The following TNRC6B variants were observed in gnomAD, a reference collection of about 807,000 sequenced individuals.
TNRC6B encodes the protein trinucleotide repeat containing adaptor 6B, also known as trinucleotide repeat-containing gene 6B protein.
A neutral mutation model predicts 203.6 loss-of-function variants in TNRC6B; 52 were observed. The ratio of observed to expected loss-of-function variants is 0.26; its 90% confidence interval spans 0.20 to 0.32. TNRC6B has a LOEUF of 0.32. TNRC6B is among the 10% of genes least tolerant of loss of function. The pLI is 1.00. For missense variants in TNRC6B, 1,923 were observed against 2,286.2 expected, an observed-to-expected ratio of 0.84 and a Z score of 3.24; for synonymous variants, 838 against 845.7, an observed-to-expected ratio of 0.99 and a Z score of 0.16.
At chr22:40,301,071 T>C (rs543596467) in intron 14 of TNRC6B, 66 bp downstream of exon 14, 1 of 1,572,084 alleles carries the variant, frequency 6.4e-7, no homozygotes, top group African/African-American at 1.4e-5. Context: ...TAGCCTCTGA[T>C]GGCAAAGAAC....
chr22:40,331,077 G>T lies in TNRC6B; in HGVS notation c.*7836G>T, dbSNP rs1469780677. On this transcript the variant is annotated 3_prime_UTR_variant, in exon 23 of 23. Coordinates refer to ENST00000454349, the MANE Select transcript of TNRC6B (RefSeq NM_001162501.2). ...GTAAGCACTGGAGAATTGGAATATG[G>T]TGATACTTGTGACACATTCATGCAT... 6.6e-6 allele frequency: 1 copy of T among 152,600 alleles called. No homozygotes were observed. Among genetic ancestry groups the T allele is most frequent in the African/African-American group, 2.4e-5 (1 of 41,430 alleles). The allele number at this position is 152,600 out of a possible 1,614,324, so 9.5% of individuals were successfully genotyped here. A position where few individuals can be genotyped will look rare whatever the true frequency, so the allele number is the denominator to read the frequency against.
At chr22:40,215,128 A>G (rs1414061436) in intron 1 of TNRC6B, among the ~76,000 whole-genome samples, 4 of 152,084 alleles carry the variant, frequency 2.6e-5, no homozygotes, top group Admixed American at 2.6e-4. Flanking sequence ...GAGACTTAGC[A>G]TTGAATCACT....
rs747744719 is a variant in TNRC6B, at chr22:40,329,456, A to G, written c.*6215A>G. On this transcript the variant is annotated 3_prime_UTR_variant, in exon 23 of 23. Transcript: ENST00000454349. ...TGTTTTTTTTTTCTTAAGTTTGACA[A>G]AGGGGGTGGTAATATCACATTCTTT... 7.2e-5 allele frequency: 11 copies of G among 152,068 alleles called. No homozygotes were observed. The highest frequency in any genetic ancestry group is 1.3e-4 in the Non-Finnish European group (9 of 68,002). The allele number at this position is 152,068 out of a possible 1,614,324, so 9.4% of individuals were successfully genotyped here.
chr22:40,264,103 G>A (rs1306745439), intron 4 of TNRC6B, among the ~76,000 whole-genome samples: 1 of 152,216 alleles, frequency 6.6e-6, no homozygotes, highest in East Asian at 1.9e-4. Context: ...AACACAGTAG[G>A]TGCCAACGTG....
chr22:40,087,272 G>T (rs1287744730), intron 1 of TNRC6B, among the ~76,000 whole-genome samples: 3 of 152,166 alleles, frequency 2.0e-5, no homozygotes, highest in African/African-American at 7.2e-5. Flanking sequence ...GAAGACTCTG[G>T]AATGTAGAAA....
chr22:40,307,984 C>T (rs2071113820), intron 15 of TNRC6B, among the ~76,000 whole-genome samples: 1 of 152,276 alleles, frequency 6.6e-6, no homozygotes, highest in South Asian at 2.1e-4. Context: ...AGTTAGCTAA[C>T]CATTGGAGTC....
intron 1 of TNRC6B, among the ~76,000 whole-genome samples, chr22:40,179,037 G>A (rs2069100938): frequency 1.3e-5 from 2 of 152,090 alleles, no homozygotes; most frequent in Admixed American, 6.5e-5. Flanking sequence ...TAAATTCATC[G>A]TGTGAGTGTG....
intron 1 of TNRC6B, among the ~76,000 whole-genome samples, chr22:40,218,860 C>T (rs1187929062): frequency 1.3e-5 from 2 of 152,144 alleles, no homozygotes; most frequent in African/African-American, 2.4e-5. Flanking sequence ...ACGTGAATGT[C>T]GAGCTTTTAA....
intron 4 of TNRC6B, among the ~76,000 whole-genome samples, chr22:40,159,458 T>A (rs953760435): frequency 1.4e-5 from 2 of 145,622 alleles, no homozygotes; most frequent in African/African-American, 5.1e-5. Flanking sequence ...GTTAACATGG[T>A]GAAACCCCGC....
chr22:40,139,344 T>C (rs2146336670), intron 3 of TNRC6B, among the ~76,000 whole-genome samples: 1 of 147,926 alleles, frequency 6.8e-6, no homozygotes. Context: ...TTTTTTTTTT[T>C]TGAGATGGAG....
chr22:40,108,413 C>T (rs1188176245), intron 1 of TNRC6B, among the ~76,000 whole-genome samples: 1 of 152,170 alleles, frequency 6.6e-6, no homozygotes, highest in Admixed American at 6.5e-5. Context: ...GAAGTTAGGG[C>T]TTAGGAGCCA....
chr22:40,098,202 A>G (rs1261504788), intron 1 of TNRC6B, among the ~76,000 whole-genome samples: 3 of 151,912 alleles, frequency 2.0e-5, no homozygotes, highest in Admixed American at 6.6e-5. Context: ...CCTGGCCAAC[A>G]TGGTGAAACC....
intron 1 of TNRC6B, among the ~76,000 whole-genome samples, chr22:40,067,110 C>T (rs1364786855): frequency 1.3e-5 from 2 of 151,870 alleles, no homozygotes; most frequent in African/African-American, 4.8e-5. Context: ...CGCCATGTTG[C>T]CCAGGCTAGA....
chr22:40,071,661 T>C (rs1466885212), intron 1 of TNRC6B, among the ~76,000 whole-genome samples: 2 of 152,204 alleles, frequency 1.3e-5, no homozygotes, highest in African/African-American at 4.8e-5. Context: ...CCTTTTAAAA[T>C]AATTTTTTTC....
At chr22:40,251,956 A>G (rs892474056) in intron 3 of TNRC6B, among the ~76,000 whole-genome samples, 5 of 152,198 alleles carry the variant, frequency 3.3e-5, no homozygotes, top group African/African-American at 1.2e-4. Context: ...AAGATAATAC[A>G]TTTTGAGTAG....
chr22:40,048,716 T>C (rs923367309), intron 1 of TNRC6B, among the ~76,000 whole-genome samples: 1 of 152,194 alleles, frequency 6.6e-6, no homozygotes, highest in Non-Finnish European at 1.5e-5. Flanking sequence ...TGTTCACACA[T>C]GAATGTACAC....
chr22:40,069,832 C>A (rs761111410), intron 1 of TNRC6B, among the ~76,000 whole-genome samples: 1 of 152,022 alleles, frequency 6.6e-6, no homozygotes, highest in Non-Finnish European at 1.5e-5. Flanking sequence ...CTTTTCTATA[C>A]CACACATTTA....
At chr22:40,123,056 A>C (rs1019483362) in intron 2 of TNRC6B, among the ~76,000 whole-genome samples, 1 of 152,202 alleles carries the variant, frequency 6.6e-6, no homozygotes, top group Non-Finnish European at 1.5e-5. Context: ...TGGGTGGTTC[A>C]GTAGCCTTTG....
intron 1 of TNRC6B, among the ~76,000 whole-genome samples, chr22:40,191,045 G>A (rs956748119): frequency 3.9e-5 from 6 of 152,114 alleles, no homozygotes; most frequent in Non-Finnish European, 7.4e-5. Context: ...ACGACGCTTC[G>A]GAATCCTTGA....
Sources: allele counts gnomAD v4.1 joint callset (sites outside exome capture counted in the v4.1 genomes callset), GRCh38; gene constraint gnomAD v4.1.1; transcripts MANE v1.5; gene names NCBI Gene and HGNC (gene_info 2026-07-23, HGNC 2026-07-21).